Variants in SUPT3H observed in about 807,000 individuals in gnomAD.
SUPT3H encodes transcription initiation protein SPT3 homolog.
In SUPT3H, 44 loss-of-function variants were observed where a neutral mutation model predicts 44.3. That is an observed-to-expected ratio of 0.99 (90% CI 0.78 to 1.28). SUPT3H has a LOEUF of 1.28. Among genes scored for constraint, SUPT3H ranks in the 50% most tolerant of loss-of-function variants. SUPT3H has a pLI of 0.00. For missense variants in SUPT3H, 380 were observed against 387.1 expected (o/e 0.98, Z 0.15); for synonymous variants, 124 against 125.6 (o/e 0.99, Z 0.09).
intron 10 of SUPT3H, among the ~76,000 whole-genome samples, chr6:44,884,931 T>C (rs1427536412): frequency 6.6e-6 from 1 of 152,040 alleles, no homozygotes; most frequent in African/African-American, 2.4e-5. Context: ...GCTTTTCCAA[T>C]GGGCTTAAAA....
rs925315080 is a variant in SUPT3H, at chr6:45,237,275, C to T, written c.101+127926G>A. Among the ~76,000 whole-genome samples, 11 of 152,256 alleles carry T rather than the reference C, an allele frequency of 7.2e-5. 1 individual carries two copies. Among genetic ancestry groups the T allele is most frequent in the East Asian group, 1.9e-4 (1 of 5,178 alleles). On this transcript the variant is annotated intron_variant, in intron 2 of 10. Transcript: ENST00000371459. ...ATTTCTCTACAGCATTGGCTGTTCA[C>T]GTAGTCAATTCAACCCACTCAATTT...
At chr6:45,365,141 G>A (rs1277553722) in intron 2 of SUPT3H, 60 bp downstream of exon 2, 1 of 1,016,210 alleles carries the variant, frequency 9.8e-7, no homozygotes, top group African/African-American at 1.6e-5. Flanking sequence ...TATGTCTATT[G>A]TCTTTCAACA....
intron 2 of SUPT3H, among the ~76,000 whole-genome samples, chr6:45,298,482 G>C (rs1781630169): frequency 6.6e-6 from 1 of 151,282 alleles, no homozygotes; most frequent in Non-Finnish European, 1.5e-5. Context: ...TCCAAGATGG[G>C]CCTAACACAT....
In SUPT3H at chr6:44,892,415, C is replaced by A. The variant is rs146564810; in HGVS notation, c.912+40238G>T. On this transcript the variant is annotated intron_variant, in intron 10 of 10. Transcript: ENST00000371459. The stretch of plus-strand genomic sequence containing the variant: ...CTAGGAAGAGGGTCCGTACCAGGAA[C>A]TGAGTCACCCAGCAGCTTGATCTTG... Among the ~76,000 whole-genome samples, 264 of 152,268 alleles carry A rather than the reference C, an allele frequency of 1.7e-3. 3 individuals carry two copies. Among genetic ancestry groups the A allele is most frequent in the Admixed American group, 0.016 (250 of 15,292 alleles).
In SUPT3H at chr6:45,034,343, G is replaced by C. The variant is rs142677425; in HGVS notation, c.187-13711C>G. ...AGGCCAAAATCAACCAGAAGTCAGA[G>C]GGCAAGAGAGATCCAAAGAGACTAG... On this transcript the variant is annotated intron_variant, in intron 3 of 10. Transcript: ENST00000371459. Among the ~76,000 whole-genome samples, 849 of 151,828 alleles carry C rather than the reference G, an allele frequency of 5.6e-3. 7 individuals are homozygous for C. The highest frequency in any genetic ancestry group is 0.038 in the South Asian group (183 of 4,810).
chr6:45,042,188 C>G (rs545384541), intron 3 of SUPT3H, among the ~76,000 whole-genome samples: 2 of 152,012 alleles, frequency 1.3e-5, no homozygotes, highest in African/African-American at 4.8e-5. Context: ...TTTGGGAGGC[C>G]GAGGCAGGCT....
chr6:44,888,310 A>C (rs1035855472), intron 10 of SUPT3H, among the ~76,000 whole-genome samples: 56 of 152,126 alleles, frequency 3.7e-4, no homozygotes, highest in East Asian at 1.9e-3. Context: ...GAGACACAAC[A>C]AAAAAAGAGA....
chr6:44,932,699 G>T lies in SUPT3H; in HGVS notation c.866C>A (p.Ala289Asp), dbSNP rs1770780733. 1 of 1,611,620 alleles carries T rather than the reference G, an allele frequency of 6.2e-7. No homozygotes were observed. The highest frequency in any genetic ancestry group is 2.2e-5 in the East Asian group (1 of 44,632). ...AATCCTGTGGCTGTAGCGTCGAATGGCCTCTCTGATGTGGCAGGGCTGGAT... is the reference window on the plus strand; with the variant it reads ...AATCCTGTGGCTGTAGCGTCGAATGTCCTCTCTGATGTGGCAGGGCTGGAT... Reference protein sequence around the residue: ...DAIQPCHIREAIRRYSHRIGP... With the variant: ...DAIQPCHIREDIRRYSHRIGP... Residue 289 changes from alanine (A) to aspartate (D), a missense_variant, in exon 10 of 11, where the codon GCC becomes GAC. Coordinates refer to ENST00000371459, the MANE Select transcript of SUPT3H (RefSeq NM_003599.4).
intron 2 of SUPT3H, among the ~76,000 whole-genome samples, chr6:45,333,333 A>G (rs28360524): frequency 0.15 from 22,746 of 151,568 alleles, 1,956 homozygotes; most frequent in East Asian, 0.26. Context: ...TCAACAGCAC[A>G]TACACATGAA....
chr6:45,215,098 C>T (rs1183080679), intron 2 of SUPT3H, among the ~76,000 whole-genome samples: 1 of 152,126 alleles, frequency 6.6e-6, no homozygotes, highest in Non-Finnish European at 1.5e-5. Context: ...CTGAAGAAAT[C>T]ACTGGAAATT....
chr6:44,831,178 A>ATTTC (rs1401107623), intron 10 of SUPT3H, among the ~76,000 whole-genome samples: 13 of 152,076 alleles, frequency 8.5e-5, no homozygotes, highest in Non-Finnish European at 4.4e-5. Flanking sequence ...CCTGGCTGAA[A>ATTTC]TTTCTTTGCT....
At chr6:44,910,300 C>G (rs1390244790) in intron 10 of SUPT3H, among the ~76,000 whole-genome samples, 1 of 152,160 alleles carries the variant, frequency 6.6e-6, no homozygotes, top group East Asian at 1.9e-4. Context: ...GCCTTCATTC[C>G]CAGTCTCTTA....
At chr6:44,880,215 G>C (rs1777994908) in intron 10 of SUPT3H, among the ~76,000 whole-genome samples, 1 of 152,062 alleles carries the variant, frequency 6.6e-6, no homozygotes, top group Non-Finnish European at 1.5e-5. Flanking sequence ...AGAATAACCA[G>C]TTTAGAGAAG....
At chr6:45,270,372 G>A (rs372244738) in intron 2 of SUPT3H, among the ~76,000 whole-genome samples, 3 of 152,138 alleles carry the variant, frequency 2.0e-5, no homozygotes, top group East Asian at 1.9e-4. Context: ...CCCAGGTGTT[G>A]TGGGAGGCAC....
chr6:45,066,553 C>G (rs1583350934), intron 3 of SUPT3H, among the ~76,000 whole-genome samples: 1 of 95,362 alleles, frequency 1.0e-5, no homozygotes, highest in African/African-American at 4.3e-5. Flanking sequence ...GATTGTATAT[C>G]TAGAAAACCC....
chr6:45,334,671 AAC>A (rs1163088439), intron 2 of SUPT3H, among the ~76,000 whole-genome samples: 2 of 151,172 alleles, frequency 1.3e-5, no homozygotes, highest in Non-Finnish European at 3.0e-5. Flanking sequence ...TGTTTGTCTT[AAC>A]ATTTTTATAC....
At chr6:44,945,522 T>G (rs1159841217) in intron 9 of SUPT3H, among the ~76,000 whole-genome samples, 2 of 152,108 alleles carry the variant, frequency 1.3e-5, no homozygotes, top group Non-Finnish European at 2.9e-5. Flanking sequence ...ACACAAATGA[T>G]AAGAAGGTGA....
intron 2 of SUPT3H, among the ~76,000 whole-genome samples, chr6:45,293,909 T>C (rs1016885053): frequency 1.6e-5 from 2 of 122,664 alleles, no homozygotes; most frequent in Non-Finnish European, 3.3e-5. Context: ...TACCAGACAC[T>C]GAAAGAATTG....
At chr6:44,915,458 C>A (rs573263096) in intron 10 of SUPT3H, among the ~76,000 whole-genome samples, 1 of 152,066 alleles carries the variant, frequency 6.6e-6, no homozygotes, top group Non-Finnish European at 1.5e-5. Context: ...TTCTAAGGCC[C>A]CCCAACCATC....
Sources: gnomAD v4.1 joint callset for allele counts (sites outside exome capture counted in the v4.1 genomes callset) on GRCh38, gnomAD v4.1.1 for gene constraint, MANE v1.5 for transcripts, NCBI Gene and HGNC (gene_info 2026-07-23, HGNC 2026-07-21) for gene names.